The following WWOX variants were observed in gnomAD, a reference collection of about 807,000 sequenced individuals.
WWOX encodes WW domain containing oxidoreductase, also known as WW domain-containing oxidoreductase.
In WWOX, 69 loss-of-function variants were observed where a neutral mutation model predicts 46.2. The ratio of observed to expected loss-of-function variants is 1.49; its 90% confidence interval spans 1.23 to 1.82. The LOEUF (loss-of-function observed/expected upper bound fraction) is 1.82. WWOX is among the 40% of genes most tolerant of loss of function. WWOX has a pLI of 0.00. For missense variants in WWOX, 919 were observed against 542.6 expected (o/e 1.69, Z -6.89); for synonymous variants, 359 against 202.6 (o/e 1.77, Z -6.56).
At chr16:78,610,853 G>C (rs1182745367) in intron 8 of WWOX, among the ~76,000 whole-genome samples, 1 of 152,072 alleles carries the variant, frequency 6.6e-6, no homozygotes, top group Non-Finnish European at 1.5e-5. Flanking sequence ...TTACAAATGT[G>C]GCATTAAGTA....
intron 8 of WWOX, among the ~76,000 whole-genome samples, chr16:79,051,589 G>T (rs141232016): frequency 6.6e-6 from 1 of 152,072 alleles, no homozygotes; most frequent in African/African-American, 2.4e-5. Context: ...GGGAGGGAGC[G>T]TCAACATTAG....
intron 5 of WWOX, among the ~76,000 whole-genome samples, chr16:78,296,851 G>C (rs770143334): frequency 3.3e-5 from 5 of 152,158 alleles, no homozygotes; most frequent in Non-Finnish European, 5.9e-5. Flanking sequence ...TCGTTCGGTT[G>C]TTGTACATGG....
chr16:79,194,561 A>T (rs976880847), intron 8 of WWOX, among the ~76,000 whole-genome samples: 4 of 152,158 alleles, frequency 2.6e-5, no homozygotes, highest in African/African-American at 9.7e-5. Flanking sequence ...CCGACGTTAC[A>T]GGCAGCAGTG....
intron 8 of WWOX, chr16:79,101,844 G>A (rs2049202683): frequency 6.6e-6 from 1 of 151,254 alleles, no homozygotes; most frequent in Non-Finnish European, 1.5e-5. Context: ...GTGTTTTATG[G>A]CTGTGGTTTT....
intron 8 of WWOX, among the ~76,000 whole-genome samples, chr16:78,836,084 A>G (rs2051975226): frequency 6.6e-6 from 1 of 152,246 alleles, no homozygotes; most frequent in Non-Finnish European, 1.5e-5. Flanking sequence ...TCGTTGAGAA[A>G]GTGACCTTGT....
chr16:79,175,788 CTGTT>C (rs1404988457), intron 8 of WWOX, among the ~76,000 whole-genome samples: 4 of 152,182 alleles, frequency 2.6e-5, no homozygotes, highest in Admixed American at 6.5e-5. Flanking sequence ...AGCTCCAACT[CTGTT>C]TGGTCCCAAT....
At chr16:79,072,005 G>A (rs113848118) in intron 8 of WWOX, among the ~76,000 whole-genome samples, 4 of 152,074 alleles carry the variant, frequency 2.6e-5, no homozygotes, top group Non-Finnish European at 2.9e-5. Context: ...CTTATACGCC[G>A]GCCATGGTGG....
chr16:79,030,019 C>A (rs1452713909), intron 8 of WWOX, among the ~76,000 whole-genome samples: 1 of 152,050 alleles, frequency 6.6e-6, no homozygotes, highest in Non-Finnish European at 1.5e-5. Context: ...CTCTGGTTTA[C>A]CCCATAGTCC....
At chr16:78,805,229 G>A (rs2050998206) in intron 8 of WWOX, among the ~76,000 whole-genome samples, 1 of 152,150 alleles carries the variant, frequency 6.6e-6, no homozygotes, top group Non-Finnish European at 1.5e-5. Flanking sequence ...CACTGCCTCT[G>A]GAGAATCAAA....
chr16:78,176,004 T>TA (rs370022584), intron 5 of WWOX, among the ~76,000 whole-genome samples: 3 of 152,158 alleles, frequency 2.0e-5, no homozygotes, highest in African/African-American at 7.2e-5. Context: ...TTTTAAAACA[T>TA]ACCTGATCAG....
chr16:78,996,781 C>T (rs1209268777), intron 8 of WWOX, among the ~76,000 whole-genome samples: 2 of 152,160 alleles, frequency 1.3e-5, no homozygotes, highest in African/African-American at 4.8e-5. Flanking sequence ...TTCCCACCTG[C>T]CTCGTATGGA....
rs766506605 is a variant in WWOX, at chr16:78,559,209, C to T, written c.1056+126457C>T. On this transcript the variant is annotated intron_variant, in intron 8 of 8. Coordinates refer to ENST00000566780, the MANE Select transcript of WWOX (RefSeq NM_016373.4). Reference sequence around the variant, plus strand: ...TGACAGTCACAGAAAGCACTGGGAGCGTTTATGAATGTTGTGGTATCTCAC... The same window carrying T: ...TGACAGTCACAGAAAGCACTGGGAGTGTTTATGAATGTTGTGGTATCTCAC... Among the ~76,000 whole-genome samples the T allele has an allele frequency of 3.9e-5, 6 of 152,120 alleles. 1 individual carries two copies. The highest frequency in any genetic ancestry group is 1.3e-4 in the Admixed American group (2 of 15,284).
chr16:78,326,546 C>G (rs963912614), intron 5 of WWOX, among the ~76,000 whole-genome samples: 1 of 138,186 alleles, frequency 7.2e-6, no homozygotes, highest in East Asian at 2.3e-4. Context: ...TACTTAACCT[C>G]TCTGGCTTTA....
intron 8 of WWOX, among the ~76,000 whole-genome samples, chr16:78,720,033 T>G (rs1002748754): frequency 6.6e-6 from 1 of 152,222 alleles, no homozygotes; most frequent in Admixed American, 6.5e-5. Context: ...TACTGTACAT[T>G]TTATGAAATG....
intron 8 of WWOX, among the ~76,000 whole-genome samples, chr16:78,601,691 T>C (rs1169553203): frequency 6.6e-6 from 1 of 152,042 alleles, no homozygotes; most frequent in African/African-American, 2.4e-5. Flanking sequence ...AATTGTAGAG[T>C]GGAATATTCA....
intron 8 of WWOX, among the ~76,000 whole-genome samples, chr16:79,007,157 T>A (rs1223612171): frequency 6.6e-6 from 1 of 152,154 alleles, no homozygotes; most frequent in Non-Finnish European, 1.5e-5. Flanking sequence ...AAAACTTATG[T>A]TCCAGTGAGG....
chr16:78,546,398 C>T (rs2044032635), intron 8 of WWOX, among the ~76,000 whole-genome samples: 1 of 152,046 alleles, frequency 6.6e-6, no homozygotes, highest in African/African-American at 2.4e-5. Flanking sequence ...TGAAAGGCAG[C>T]CCACATTGAG....
chr16:79,057,638 C>G (rs940235737), intron 8 of WWOX, among the ~76,000 whole-genome samples: 1 of 152,042 alleles, frequency 6.6e-6, no homozygotes, highest in Non-Finnish European at 1.5e-5. Context: ...TTGGATTTGT[C>G]TCAAGGTCCT....
At chr16:78,602,595 C>G (rs3106329) in intron 8 of WWOX, among the ~76,000 whole-genome samples, 148,343 of 152,294 alleles carry the variant, frequency 0.97, 72,377 homozygotes, top group Middle Eastern at 1. Flanking sequence ...TCATCCCTTT[C>G]CATGCAAAAG....
Sources: gnomAD v4.1 joint callset for allele counts (sites outside exome capture counted in the v4.1 genomes callset) on GRCh38, gnomAD v4.1.1 for gene constraint, MANE v1.5 for transcripts, NCBI Gene and HGNC (gene_info 2026-07-23, HGNC 2026-07-21) for gene names.